The following ZBTB46 variants were observed in gnomAD, a reference collection of about 807,000 sequenced individuals.
ZBTB46 encodes zinc finger and BTB domain-containing protein 46.
Under a neutral mutation model 44.1 loss-of-function variants are expected in ZBTB46, and 8 were observed. That is an observed-to-expected ratio of 0.18 (90% confidence interval 0.11 to 0.33). The LOEUF (loss-of-function observed/expected upper bound fraction) is 0.33, where lower values mean the gene tolerates loss of function less well. ZBTB46 is among the 10% of genes least tolerant of loss of function. The pLI, the probability that ZBTB46 is intolerant of heterozygous loss-of-function variation, is 1.00. For synonymous variants in ZBTB46, 409 were observed against 382.3 expected (o/e 1.07, Z -0.81); for missense variants, 651 against 847.7 (o/e 0.77, Z 2.88).
intron 3 of ZBTB46, among the ~76,000 whole-genome samples, chr20:63,764,916 ATTTT>A (rs141414795): frequency 2.0e-5 from 3 of 146,466 alleles, no homozygotes; most frequent in Non-Finnish European, 4.5e-5. Context: ...TGCTTTTAAG[ATTTT>A]TTTTTGTTTT....
At chr20:63,810,607 G>A (rs567213320) in intron 1 of ZBTB46, among the ~76,000 whole-genome samples, 84 of 152,218 alleles carry the variant, frequency 5.5e-4, no homozygotes, top group African/African-American at 1.9e-3. Flanking sequence ...TTAGCTGGGC[G>A]TGGTGGCACG....
intron 2 of ZBTB46, among the ~76,000 whole-genome samples, chr20:63,777,406 G>A (rs1325030490): frequency 1.3e-5 from 2 of 152,220 alleles, no homozygotes; most frequent in South Asian, 2.1e-4. Flanking sequence ...GGTTGAGGCT[G>A]TGGTGAGCTG....
chr20:63,757,312 G>A (rs572616280), intron 3 of ZBTB46, among the ~76,000 whole-genome samples: 6 of 152,166 alleles, frequency 3.9e-5, no homozygotes, highest in African/African-American at 1.2e-4. Context: ...CAGTAGAGAC[G>A]CGGTTTCGCC....
At chr20:63,770,104 G>A (rs528712167) in intron 3 of ZBTB46, among the ~76,000 whole-genome samples, 2 of 152,334 alleles carry the variant, frequency 1.3e-5, no homozygotes, top group African/African-American at 2.4e-5. Flanking sequence ...TCCAGAGGCC[G>A]CGTCCCACAT....
chr20:63,770,030 C>T (rs942905181), intron 3 of ZBTB46, among the ~76,000 whole-genome samples: 12 of 152,214 alleles, frequency 7.9e-5, no homozygotes, highest in Non-Finnish European at 1.5e-4. Context: ...GGCACCGCAC[C>T]GCCATGGCTG....
intron 3 of ZBTB46, among the ~76,000 whole-genome samples, chr20:63,771,001 C>CTA (rs571932949): frequency 8.9e-6 from 1 of 112,346 alleles, no homozygotes; most frequent in African/African-American, 3.2e-5. Context: ...ACAGCAGGGG[C>CTA]CACGTCAGCA....
chr20:63,757,849 C>T (rs1284290121), intron 3 of ZBTB46, among the ~76,000 whole-genome samples: 1 of 142,672 alleles, frequency 7.0e-6, no homozygotes, highest in Non-Finnish European at 1.5e-5. Context: ...AGGGCTCACA[C>T]TCCCTCCACC....
At chr20:63,760,657 C>T (rs1219187287) in intron 3 of ZBTB46, among the ~76,000 whole-genome samples, 3 of 152,022 alleles carry the variant, frequency 2.0e-5, no homozygotes, top group Non-Finnish European at 2.9e-5. Flanking sequence ...AGGGTTTCAC[C>T]GTGTTAGCCA....
In ZBTB46 at chr20:63,744,714, C is replaced by T. The variant is rs1347614960; in HGVS notation, c.*2216G>A. The T allele has an allele frequency of 2.0e-5, 3 of 152,378 alleles. No individual in the cohort carries two copies. Among genetic ancestry groups the T allele is most frequent in the African/African-American group, 7.2e-5 (3 of 41,464 alleles). The allele number at this position is 152,378 out of a possible 1,614,324, so 9.4% of individuals were successfully genotyped here. ...CAAGAACAGGAAATCTGCCACGCAG[C>T]AAACACTTGGGGAGGTCAGTGGGAC... On this transcript the variant is annotated 3_prime_UTR_variant, in exon 5 of 5. Transcript: ENST00000245663.
chr20:63,806,057 G>A (rs532832937), intron 1 of ZBTB46, among the ~76,000 whole-genome samples: 12 of 151,576 alleles, frequency 7.9e-5, no homozygotes, highest in African/African-American at 1.7e-4. Context: ...TTACACGCAT[G>A]AGCCACCATG....
At chr20:63,802,590 C>G (rs895440879) in intron 1 of ZBTB46, among the ~76,000 whole-genome samples, 1 of 145,902 alleles carries the variant, frequency 6.9e-6, no homozygotes, top group African/African-American at 2.5e-5. Flanking sequence ...GAAACCGCGG[C>G]GGGCCGACAA....
chr20:63,747,250 T>G lies in ZBTB46; in HGVS notation c.1450A>C (p.Met484Leu). Residue 484 changes from methionine to leucine, a missense_variant, in exon 5 of 5, where the codon ATG becomes CTG. Around this residue, in one of 5 missense-constraint regions of ZBTB46, gnomAD observed 75 missense variants for 107.8 expected, o/e 0.70. Transcript: ENST00000245663. ...YVCKVCSRVF[M>L]SAASVGIRHG... ...CTGATGCCCACGCTGGCGGCGGACA[T>G]GAAGACGCGGCTGCACACCTTGCAC... 1 of 1,566,510 alleles carries G rather than the reference T, an allele frequency of 6.4e-7. No individual in the cohort carries two copies. Among genetic ancestry groups the G allele is most frequent in the South Asian group, 1.2e-5 (1 of 85,504 alleles).
intron 3 of ZBTB46, among the ~76,000 whole-genome samples, chr20:63,765,833 C>G (rs1403425885): frequency 1.3e-5 from 2 of 152,234 alleles, no homozygotes; most frequent in East Asian, 1.9e-4. Context: ...GAGCCCTTAT[C>G]ATTTTACTAT....
chr20:63,806,787 TGG>T (rs2092684319), intron 1 of ZBTB46, among the ~76,000 whole-genome samples: 1 of 151,064 alleles, frequency 6.6e-6, no homozygotes, highest in African/African-American at 2.4e-5. Context: ...TGTTTTGTTT[TGG>T]TTTTTTTTTT....
intron 1 of ZBTB46, among the ~76,000 whole-genome samples, chr20:63,827,634 A>T (rs1280976566): frequency 6.6e-6 from 1 of 151,980 alleles, no homozygotes; most frequent in Non-Finnish European, 1.5e-5. Context: ...AAAACAAAAA[A>T]AAAAAACCAC....
In ZBTB46 at chr20:63,759,866, CAA is replaced by C. The variant is rs560057418; in HGVS notation, c.1223-7007_1223-7006del. Among the ~76,000 whole-genome samples the C allele has an allele frequency of 9.2e-4, 140 of 152,230 alleles. 1 individual carries two copies. The highest frequency in any genetic ancestry group is 3.0e-3 in the African/African-American group (126 of 41,534). On this transcript the variant is annotated intron_variant, in intron 3 of 4. Transcript: ENST00000245663. ...TATCACGAAGGCTACTGAATTTTAT[CAA>C]AAGTGTTTCCTGCATTTATTGAGGT...
intron 2 of ZBTB46, among the ~76,000 whole-genome samples, chr20:63,783,146 A>G (rs901234047): frequency 6.6e-6 from 1 of 151,630 alleles, no homozygotes; most frequent in Non-Finnish European, 1.5e-5. Context: ...AACAAAAAAC[A>G]CAGCTGGGCG....
chr20:63,831,785 C>G (rs2092853803), upstream of ZBTB46, among the ~76,000 whole-genome samples: 1 of 151,426 alleles, frequency 6.6e-6, no homozygotes, highest in Non-Finnish European at 1.5e-5. Context: ...CCGGCCGTCC[C>G]CGCGCCTGAC....
Position 63,830,913 on chromosome 20 carries a change from C to G in ZBTB46, c.-34+184G>C, listed in dbSNP as rs1249106119. On this transcript the variant is annotated intron_variant, in intron 1 of 4. Transcript: ENST00000245663. ...CCGCCGCCGCCCCCGGAGCCCGCGC[C>G]GCAGCTGGGAGCGCCGATGGCCCCC... 1.9e-4 allele frequency among the ~76,000 whole-genome samples: 27 copies of G among 141,484 alleles called. No individual in the cohort carries two copies. In the South Asian group the frequency reaches 5.9e-3, roughly 31 times the overall value. 92.8% of individuals were successfully genotyped at this position (141,484 alleles called of 152,430 possible).
Sources: gnomAD v4.1 joint callset for allele counts (sites outside exome capture counted in the v4.1 genomes callset) on GRCh38, gnomAD v4.1.1 for gene constraint, gnomAD v4.1.1 regional missense constraint, MANE v1.5 for transcripts, NCBI Gene and HGNC (gene_info 2026-07-23, HGNC 2026-07-21) for gene names.